Variants in LRRC4C observed in about 807,000 individuals in gnomAD.
LRRC4C encodes the protein leucine rich repeat containing 4C.
LRRC4C carries 5 observed loss-of-function variants against 33.6 expected under a neutral mutation model. The observed-to-expected ratio is 0.15, with a 90% CI of 0.08 to 0.31. LRRC4C has a LOEUF of 0.31. Ranked by LOEUF, LRRC4C falls within the 10% of genes least tolerant of loss-of-function variation. LRRC4C has a pLI of 1.00. For missense variants in LRRC4C, 560 were observed against 796.7 expected, an observed-to-expected ratio of 0.70 and a Z score of 3.58; for synonymous variants, 329 against 302.0, an observed-to-expected ratio of 1.09 and a Z score of -0.93.
intron 3 of LRRC4C, among the ~76,000 whole-genome samples, chr11:40,594,326 A>G (rs1047198238): frequency 6.6e-6 from 1 of 152,232 alleles, no homozygotes; most frequent in Non-Finnish European, 1.5e-5. Flanking sequence ...TGAGGGAGGT[A>G]GAACAATTAT....
intron 6 of LRRC4C, among the ~76,000 whole-genome samples, chr11:40,119,724 A>G (rs2134640799): frequency 6.6e-6 from 1 of 152,226 alleles, no homozygotes; most frequent in Non-Finnish European, 1.5e-5. Flanking sequence ...TGCTGATCCT[A>G]GAGAGGCTAC....
chr11:40,274,717 G>A (rs187546164), intron 4 of LRRC4C, among the ~76,000 whole-genome samples: 191 of 152,152 alleles, frequency 1.3e-3, no homozygotes, highest in Middle Eastern at 3.4e-3. Context: ...AAGAATACCA[G>A]AGAGCATCAC....
intron 3 of LRRC4C, among the ~76,000 whole-genome samples, chr11:40,515,674 A>G (rs1394121910): frequency 1.3e-5 from 2 of 152,096 alleles, no homozygotes; most frequent in Non-Finnish European, 2.9e-5. Context: ...AGGTTAAAAC[A>G]TAAAGTAAAA....
At chr11:41,014,745 C>A (rs1855460683) in intron 1 of LRRC4C, among the ~76,000 whole-genome samples, 1 of 152,044 alleles carries the variant, frequency 6.6e-6, no homozygotes, top group South Asian at 2.1e-4. Context: ...GGTAAATAAT[C>A]ATTCTGGTTT....
chr11:40,619,456 T>C (rs1962214850), intron 3 of LRRC4C, among the ~76,000 whole-genome samples: 1 of 151,416 alleles, frequency 6.6e-6, no homozygotes, highest in African/African-American at 2.4e-5. Flanking sequence ...TAAAAAGAAA[T>C]AAAGAAGACT....
At chr11:41,166,362 T>G (rs1375046675) in intron 1 of LRRC4C, among the ~76,000 whole-genome samples, 1 of 152,158 alleles carries the variant, frequency 6.6e-6, no homozygotes, top group African/African-American at 2.4e-5. Flanking sequence ...AAATACTTTA[T>G]TTTTCATATA....
chr11:41,293,120 T>A lies in LRRC4C; in HGVS notation c.-496+166311A>T, dbSNP rs539473260. ...TCCCAGGAGAAATGCTCCAAATATA[T>A]TAAGAGGAAAAAATCATATTATAAC... On this transcript the variant is annotated intron_variant, in intron 1 of 6. Transcript: ENST00000528697. Among the ~76,000 whole-genome samples the A allele has an allele frequency of 7.2e-5, 11 of 152,250 alleles. No individual in the cohort carries two copies. In the Middle Eastern group the frequency reaches 0.01, roughly 141 times the overall value.
At chr11:40,678,505 G>A (rs1382166989) in intron 2 of LRRC4C, among the ~76,000 whole-genome samples, 1 of 152,050 alleles carries the variant, frequency 6.6e-6, no homozygotes, top group Non-Finnish European at 1.5e-5. Flanking sequence ...GTTTGGCTGT[G>A]TCTCCACCCA....
At chr11:41,354,542 A>G (rs1008002676) in intron 1 of LRRC4C, among the ~76,000 whole-genome samples, 1 of 152,200 alleles carries the variant, frequency 6.6e-6, no homozygotes, top group South Asian at 2.1e-4. Flanking sequence ...TTCATATTAA[A>G]TCAGGGGAAA....
intron 2 of LRRC4C, among the ~76,000 whole-genome samples, chr11:40,838,251 T>C (rs1159090685): frequency 2.0e-5 from 3 of 152,202 alleles, no homozygotes; most frequent in Non-Finnish European, 4.4e-5. Flanking sequence ...TATTTTCTTG[T>C]TTGCAAAGAG....
At chr11:41,457,498 C>T (rs1163771207) in intron 1 of LRRC4C, among the ~76,000 whole-genome samples, 1 of 152,134 alleles carries the variant, frequency 6.6e-6, no homozygotes, top group Admixed American at 6.6e-5. Context: ...ACAACAGAAA[C>T]TTCGTGTTTC....
intron 4 of LRRC4C, among the ~76,000 whole-genome samples, chr11:40,256,448 G>A (rs1867208977): frequency 6.6e-6 from 1 of 152,034 alleles, no homozygotes; most frequent in East Asian, 1.9e-4. Context: ...TTCCTTCTCT[G>A]CCCTAGAATG....
chr11:40,115,689 A>G lies in LRRC4C; in HGVS notation c.604T>C (p.Leu202=). ...CGAAGGTTGCACATGGCAAGGTTCAAATACCTCAAGTTGGACAGACCTTCA... is the reference window on the plus strand; with the variant it reads ...CGAAGGTTGCACATGGCAAGGTTCAGATACCTCAAGTTGGACAGACCTTCA... The part of the protein sequence containing the change: ...AFEGLSNLRY[L]NLAMCNLREI... The change falls in exon 7 of 7, where the codon TTG becomes CTG. Residue 202 remains leucine, a synonymous_variant. Coordinates refer to ENST00000528697, the MANE Select transcript of LRRC4C (RefSeq NM_001258419.2). The surrounding 1 kb of genome is among the most constrained non-coding windows in gnomAD (Gnocchi z 6.7). 6.2e-7 allele frequency: 1 copy of G among 1,614,178 alleles called. No homozygotes were observed. Among genetic ancestry groups the G allele is most frequent in the Non-Finnish European group, 8.5e-7 (1 of 1,180,032 alleles).
At chr11:41,087,234 C>G (rs759314228) in intron 1 of LRRC4C, among the ~76,000 whole-genome samples, 14 of 152,078 alleles carry the variant, frequency 9.2e-5, no homozygotes, top group Non-Finnish European at 1.9e-4. Context: ...CTGCCAATAC[C>G]ATAGCTGAAT....
At chr11:40,844,985 TC>T in intron 2 of LRRC4C, among the ~76,000 whole-genome samples, 1 of 152,204 alleles carries the variant, frequency 6.6e-6, no homozygotes. Context: ...AGCTAGGGTT[TC>T]TTTTGTTTTC....
chr11:40,236,992 T>C (rs1057195877), intron 5 of LRRC4C, among the ~76,000 whole-genome samples: 1 of 152,104 alleles, frequency 6.6e-6, no homozygotes, highest in Admixed American at 6.5e-5. Flanking sequence ...AGTTGAGATA[T>C]GGATTACAAA....
At chr11:41,129,737 C>T (rs879288384) in intron 1 of LRRC4C, among the ~76,000 whole-genome samples, 36 of 152,060 alleles carry the variant, frequency 2.4e-4, no homozygotes, top group Middle Eastern at 3.4e-3. Flanking sequence ...CACAGACTAG[C>T]TCCTTAGCTC....
intron 1 of LRRC4C, among the ~76,000 whole-genome samples, chr11:41,327,202 T>C (rs1951149671): frequency 6.6e-6 from 1 of 152,176 alleles, no homozygotes; most frequent in Admixed American, 6.5e-5. Flanking sequence ...TCATAATTAT[T>C]ATTTTTAATT....
At chr11:40,857,953 G>GAAAGGT (rs1953873253) in intron 2 of LRRC4C, among the ~76,000 whole-genome samples, 4 of 59,740 alleles carry the variant, frequency 6.7e-5, no homozygotes, top group Non-Finnish European at 1.9e-4. Flanking sequence ...GAAAGAAAGG[G>GAAAGGT]AAAGGGAAAG....
Sources: allele counts gnomAD v4.1 joint callset (sites outside exome capture counted in the v4.1 genomes callset), GRCh38; gene constraint gnomAD v4.1.1; non-coding constraint Gnocchi (gnomAD v3.1); transcripts MANE v1.5; gene names NCBI Gene and HGNC (gene_info 2026-07-23, HGNC 2026-07-21).